The following MECOM variants were observed in gnomAD, a reference collection of about 807,000 sequenced individuals.
MECOM encodes MDS1 and EVI1 complex locus.
MECOM carries 13 observed loss-of-function variants against 116.3 expected under a neutral mutation model. The ratio of observed to expected loss-of-function variants is 0.11; its 90% confidence interval spans 0.07 to 0.18. The LOEUF (loss-of-function observed/expected upper bound fraction) is 0.18, where lower values mean the gene tolerates loss of function less well. Among genes scored for constraint, MECOM ranks in the 10% least tolerant of loss-of-function variants. The pLI is 1.00. For missense variants in MECOM, 1,299 were observed against 1,509.0 expected (o/e 0.86, Z 2.31); for synonymous variants, 528 against 535.2 (o/e 0.99, Z 0.19).
At chr3:169,641,483 C>G (rs575692626) in intron 1 of MECOM, among the ~76,000 whole-genome samples, 10 of 152,288 alleles carry the variant, frequency 6.6e-5, no homozygotes, top group African/African-American at 1.9e-4. Flanking sequence ...GGTTTCACTA[C>G]GTATCTGTGG....
At chr3:169,545,683 T>C (rs550650561) in intron 1 of MECOM, among the ~76,000 whole-genome samples, 1 of 152,320 alleles carries the variant, frequency 6.6e-6, no homozygotes, top group South Asian at 2.1e-4. Flanking sequence ...TCTGTCCTGG[T>C]CCAGTCCTGC....
chr3:169,571,680 T>A (rs1332848685), intron 1 of MECOM, among the ~76,000 whole-genome samples: 6 of 152,096 alleles, frequency 3.9e-5, no homozygotes, highest in Non-Finnish European at 5.9e-5. Flanking sequence ...GCCTCAGAAA[T>A]AATACCACAC....
Position 169,319,964 on chromosome 3 carries a change from A to G in MECOM, c.375+61223T>C, listed in dbSNP as rs1720564585. 2.0e-5 allele frequency among the ~76,000 whole-genome samples: 3 copies of G among 152,224 alleles called. No homozygotes were observed. The South Asian group carries it at 6.2e-4, about 32-fold the overall frequency. ...GTAAATCACCTAACCAGACCCCTTC[A>G]CATGTTCAAAGGATTTAACAAGAGG... is the stretch of plus-strand genomic sequence containing the variant. On this transcript the variant is annotated intron_variant, in intron 2 of 16. Coordinates refer to ENST00000651503, the MANE Select transcript of MECOM (RefSeq NM_004991.4).
chr3:169,493,746 A>T (rs1226676857), intron 1 of MECOM, among the ~76,000 whole-genome samples: 1 of 152,120 alleles, frequency 6.6e-6, no homozygotes, highest in Non-Finnish European at 1.5e-5. Flanking sequence ...GAGAGAGCCT[A>T]TTGAAGAAAG....
chr3:169,650,944 A>G (rs1224565737), intron 1 of MECOM, among the ~76,000 whole-genome samples: 1 of 152,204 alleles, frequency 6.6e-6, no homozygotes, highest in Non-Finnish European at 1.5e-5. Flanking sequence ...AGATTGATAC[A>G]TACAGACAAA....
chr3:169,648,810 A>T (rs2110072054), intron 1 of MECOM, among the ~76,000 whole-genome samples: 1 of 152,348 alleles, frequency 6.6e-6, no homozygotes, highest in Admixed American at 6.5e-5. Context: ...TACTGGATAA[A>T]AATTGAACCT....
intron 1 of MECOM, among the ~76,000 whole-genome samples, chr3:169,439,016 G>A (rs1041694168): frequency 2.0e-5 from 3 of 151,140 alleles, no homozygotes; most frequent in Admixed American, 6.6e-5. Context: ...AAGACCTTCT[G>A]TTCATTTAGA....
intron 2 of MECOM, among the ~76,000 whole-genome samples, chr3:169,288,955 C>G (rs754825417): frequency 1.2e-4 from 18 of 152,144 alleles, no homozygotes; most frequent in Non-Finnish European, 2.2e-4. Flanking sequence ...ACTTTATGAA[C>G]TTTTTTTATG....
intron 2 of MECOM, among the ~76,000 whole-genome samples, chr3:169,356,874 A>T (rs1727371910): frequency 6.6e-6 from 1 of 151,932 alleles, no homozygotes; most frequent in South Asian, 2.1e-4. Flanking sequence ...TATTCTTTTC[A>T]TTATGAAAAT....
At chr3:169,346,010 GA>G (rs1312628919) in intron 2 of MECOM, among the ~76,000 whole-genome samples, 1 of 151,974 alleles carries the variant, frequency 6.6e-6, no homozygotes. Flanking sequence ...ACATCTAATA[GA>G]AAAAAACTGC....
chr3:169,165,580 T>A (rs1559941260), intron 2 of MECOM, among the ~76,000 whole-genome samples: 1 of 152,190 alleles, frequency 6.6e-6, no homozygotes, highest in Non-Finnish European at 1.5e-5. Flanking sequence ...AAGTGCTGTA[T>A]ACACGATCTT....
chr3:169,302,974 G>A (rs1054438178), intron 2 of MECOM, among the ~76,000 whole-genome samples: 2 of 152,064 alleles, frequency 1.3e-5, no homozygotes, highest in African/African-American at 4.8e-5. Context: ...ACACTGAGGA[G>A]TCCTCTTTCA....
At chr3:169,099,659 A>G (rs1013289130) in intron 12 of MECOM, among the ~76,000 whole-genome samples, 1 of 152,174 alleles carries the variant, frequency 6.6e-6, no homozygotes, top group Admixed American at 6.5e-5. Context: ...GTTTTAATAG[A>G]AAAACTTAGC....
At chr3:169,453,821 T>C (rs1205223412) in intron 1 of MECOM, among the ~76,000 whole-genome samples, 1 of 152,086 alleles carries the variant, frequency 6.6e-6, no homozygotes, top group African/African-American at 2.4e-5. Context: ...GTTAATGAGA[T>C]AGGATCCCAC....
intron 1 of MECOM, among the ~76,000 whole-genome samples, chr3:169,516,645 T>C (rs1301491447): frequency 1.3e-5 from 2 of 152,124 alleles, no homozygotes; most frequent in East Asian, 3.9e-4. Context: ...AGACCCAAGA[T>C]TTTAGCTTGG....
At chr3:169,424,018 C>G (rs905329865) in intron 1 of MECOM, among the ~76,000 whole-genome samples, 2 of 152,026 alleles carry the variant, frequency 1.3e-5, no homozygotes, top group Non-Finnish European at 2.9e-5. Context: ...GTCTAAGATG[C>G]AACAAGCCAA....
At chr3:169,265,623 A>C (rs1442699051) in intron 2 of MECOM, among the ~76,000 whole-genome samples, 1 of 152,218 alleles carries the variant, frequency 6.6e-6, no homozygotes, top group Non-Finnish European at 1.5e-5. Context: ...GGGAACCCAT[A>C]GGCCACTGGC....
chr3:169,355,029 T>C (rs761548204), intron 2 of MECOM, among the ~76,000 whole-genome samples: 2 of 151,918 alleles, frequency 1.3e-5, no homozygotes, highest in Non-Finnish European at 2.9e-5. Context: ...ATCATTTCCA[T>C]GCTGACTGAA....
At chr3:169,475,772 C>A (rs1327226497) in intron 1 of MECOM, among the ~76,000 whole-genome samples, 1 of 152,002 alleles carries the variant, frequency 6.6e-6, no homozygotes, top group Admixed American at 6.5e-5. Context: ...AGGGAAACCT[C>A]AAGTGGTTTT....
Sources: gnomAD v4.1 joint callset for allele counts (sites outside exome capture counted in the v4.1 genomes callset) on GRCh38, gnomAD v4.1.1 for gene constraint, MANE v1.5 for transcripts, NCBI Gene and HGNC (gene_info 2026-07-23, HGNC 2026-07-21) for gene names.